HDAC9: variants seen among roughly 807,000 people sequenced by gnomAD.
HDAC9 encodes the protein MEF-2 interacting transcription repressor (MITR) protein.
In HDAC9, 41 loss-of-function variants were observed where a neutral mutation model predicts 139.4. That is an observed-to-expected ratio of 0.29 (90% CI 0.23 to 0.38). The LOEUF (loss-of-function observed/expected upper bound fraction) is 0.38, where lower values mean the gene tolerates loss of function less well. HDAC9 is among the 10% of genes least tolerant of loss of function. The pLI, the probability that HDAC9 is intolerant of heterozygous loss-of-function variation, is 1.00. For missense variants in HDAC9, 1,147 were observed against 1,297.0 expected, an observed-to-expected ratio of 0.88 and a Z score of 1.78; for synonymous variants, 517 against 476.2, an observed-to-expected ratio of 1.09 and a Z score of -1.12.
chr7:18,658,914 CAAAACA>C (rs1792216797), intron 11 of HDAC9, among the ~76,000 whole-genome samples: 1 of 116,080 alleles, frequency 8.6e-6, no homozygotes, highest in Admixed American at 8.1e-5. Flanking sequence ...AAAAAAAAAA[CAAAACA>C]ACAACAACAA....
At chr7:18,736,934 G>A (rs1280937645) in intron 13 of HDAC9, among the ~76,000 whole-genome samples, 1 of 152,174 alleles carries the variant, frequency 6.6e-6, no homozygotes, top group African/African-American at 2.4e-5. Flanking sequence ...TCTGTTCATA[G>A]ATTCAACTTC....
In HDAC9 at chr7:18,272,155, A is replaced by C. The variant is rs115992842; in HGVS notation, c.25+109806A>C. Among the ~76,000 whole-genome samples, 443 of 152,328 alleles carry C rather than the reference A, an allele frequency of 2.9e-3. 2 individuals carry two copies. Among genetic ancestry groups the C allele is most frequent in the African/African-American group, 9.9e-3 (410 of 41,580 alleles). On this transcript the variant is annotated intron_variant, in intron 2 of 12. Transcript: ENST00000417496. Reference sequence around the variant, plus strand: ...ATTTCAAATGTTTATGTTTTACAGGATGAGTGCTAACTCTACCAGCAATTA... The same window carrying C: ...ATTTCAAATGTTTATGTTTTACAGGCTGAGTGCTAACTCTACCAGCAATTA...
intron 12 of HDAC9, among the ~76,000 whole-genome samples, chr7:18,704,730 A>T (rs2129107009): frequency 6.6e-6 from 1 of 152,318 alleles, no homozygotes; most frequent in African/African-American, 2.4e-5. Context: ...GGAGCAGGAA[A>T]GGTATTCTCT....
chr7:18,556,865 G>C (rs1279831920), intron 2 of HDAC9, among the ~76,000 whole-genome samples: 1 of 151,838 alleles, frequency 6.6e-6, no homozygotes, highest in Non-Finnish European at 1.5e-5. Context: ...TTTTTGAGTT[G>C]GGTAAATAAT....
intron 6 of HDAC9, among the ~76,000 whole-genome samples, chr7:18,615,536 T>C (rs566055091): frequency 6.6e-6 from 1 of 152,346 alleles, no homozygotes; most frequent in Non-Finnish European, 1.5e-5. Context: ...AATTATACTT[T>C]TTGTCTTTTT....
rs377013043 is a variant in HDAC9 at position 18,940,442 on chromosome 7, T to C, written c.2937+4500T>C. 2.6e-5 allele frequency among the ~76,000 whole-genome samples: 4 copies of C among 152,272 alleles called. No homozygotes were observed. In the East Asian group the frequency reaches 7.7e-4, roughly 29 times the overall value. On this transcript the variant is annotated intron_variant, in intron 23 of 25. Transcript: ENST00000686413. Reference sequence around the variant, plus strand: ...TACCAGAAGTCCATTTTTTTCTTTTTCTTGGCAAAGTTTAGAACTTAGATT... The same window carrying C: ...TACCAGAAGTCCATTTTTTTCTTTTCCTTGGCAAAGTTTAGAACTTAGATT...
intron 21 of HDAC9, among the ~76,000 whole-genome samples, chr7:18,846,282 C>T (rs1463408498): frequency 2.0e-5 from 3 of 152,112 alleles, no homozygotes; most frequent in Non-Finnish European, 4.4e-5. Flanking sequence ...CTAGCAGTTC[C>T]TTGCCACAAA....
intron 1 of HDAC9, among the ~76,000 whole-genome samples, chr7:18,374,210 T>TATACATATATGTGTATAC (rs1784810610): frequency 6.6e-6 from 1 of 151,478 alleles, no homozygotes; most frequent in Non-Finnish European, 1.5e-5. Context: ...TATATATATA[T>TATACATATATGTGTATAC]ATATATATAC....
chr7:18,433,006 A>G (rs1790829249), intron 1 of HDAC9, among the ~76,000 whole-genome samples: 1 of 151,922 alleles, frequency 6.6e-6, no homozygotes, highest in South Asian at 2.1e-4. Context: ...CAGGAGGATC[A>G]TAGTCTATGA....
intron 2 of HDAC9, among the ~76,000 whole-genome samples, chr7:18,514,081 C>G (rs1802423225): frequency 6.6e-6 from 1 of 152,166 alleles, no homozygotes; most frequent in Non-Finnish European, 1.5e-5. Context: ...ATTGTTATGA[C>G]TTATCTAGCT....
chr7:18,840,042 A>T (rs1796487584), intron 21 of HDAC9, among the ~76,000 whole-genome samples: 1 of 152,096 alleles, frequency 6.6e-6, no homozygotes, highest in Non-Finnish European at 1.5e-5. Flanking sequence ...AGTCCTTGAA[A>T]TTATGCCTGT....
Position 18,895,754 on chromosome 7 carries a change from T to G in HDAC9, c.2803+21158T>G, listed in dbSNP as rs149358588. 1.6e-3 allele frequency among the ~76,000 whole-genome samples: 248 copies of G among 152,228 alleles called. 1 individual carries two copies. Among genetic ancestry groups the G allele is most frequent in the African/African-American group, 5.9e-3 (245 of 41,556 alleles). On this transcript the variant is annotated intron_variant, in intron 22 of 25. Coordinates refer to ENST00000686413, the MANE Select transcript of HDAC9 (RefSeq NM_178425.4). ...AGCTCTCTTTGGCTGTCTATTCTCTTGTAAGGTTAGACAGTTGGAGTTCGC... is the reference window on the plus strand; with the variant it reads ...AGCTCTCTTTGGCTGTCTATTCTCTGGTAAGGTTAGACAGTTGGAGTTCGC...
At chr7:18,520,575 C>A (rs1304805714) in intron 2 of HDAC9, among the ~76,000 whole-genome samples, 2 of 152,144 alleles carry the variant, frequency 1.3e-5, no homozygotes, top group African/African-American at 2.4e-5. Context: ...TTCTCAACTG[C>A]CCTTCTGTTG....
At chr7:18,224,056 T>G (rs939773702) in intron 2 of HDAC9, among the ~76,000 whole-genome samples, 1 of 152,206 alleles carries the variant, frequency 6.6e-6, no homozygotes, top group Non-Finnish European at 1.5e-5. Context: ...ATAGTTAACT[T>G]CATTTAGATT....
At chr7:18,094,932 A>G (rs1330036699) in intron 1 of HDAC9, among the ~76,000 whole-genome samples, 1 of 152,104 alleles carries the variant, frequency 6.6e-6, no homozygotes, top group African/African-American at 2.4e-5. Context: ...AAATAAGTAC[A>G]TTTCAGTTTT....
At chr7:18,840,329 C>T (rs1197636636) in intron 21 of HDAC9, among the ~76,000 whole-genome samples, 1 of 151,852 alleles carries the variant, frequency 6.6e-6, no homozygotes, top group Non-Finnish European at 1.5e-5. Context: ...GTTGTTGATG[C>T]ATATTTTCAA....
intron 13 of HDAC9, among the ~76,000 whole-genome samples, chr7:18,730,102 A>G (rs1785914688): frequency 6.6e-6 from 1 of 152,226 alleles, no homozygotes; most frequent in Admixed American, 6.5e-5. Flanking sequence ...ATATTTTAAA[A>G]TCATGCAACA....
intron 1 of HDAC9, among the ~76,000 whole-genome samples, chr7:18,358,897 G>T (rs1017117636): frequency 6.6e-6 from 1 of 152,192 alleles, no homozygotes; most frequent in Non-Finnish European, 1.5e-5. Flanking sequence ...TTTATGCAAA[G>T]TACCTGTCAC....
rs1295041892 is a variant in HDAC9 at position 18,332,360 on chromosome 7, CATGT to C, written c.-42+41846_-42+41849del. 1.1e-3 allele frequency among the ~76,000 whole-genome samples: 120 copies of C among 114,154 alleles called. 2 individuals carry two copies. Among genetic ancestry groups the C allele is most frequent in the Admixed American group, 4.2e-3 (47 of 11,168 alleles). 74.9% of individuals were successfully genotyped at this position (114,154 alleles called of 152,430 possible). A position where few individuals can be genotyped will look rare whatever the true frequency, so the allele number is the denominator to read the frequency against. ...TGTGAATTGTGGCTGTGCATGCGCA[CATGT>C]GTGTGTGTGTGTGTGTGTGTGTGTG... On this transcript the variant is annotated intron_variant, in intron 1 of 3. Coordinates refer to the HDAC9 transcript ENST00000413509.
Sources: allele counts gnomAD v4.1 joint callset (sites outside exome capture counted in the v4.1 genomes callset), GRCh38; gene constraint gnomAD v4.1.1; transcripts MANE v1.5; gene names NCBI Gene and HGNC (gene_info 2026-07-23, HGNC 2026-07-21).